The following DOCK9 variants were observed in gnomAD, a reference collection of about 807,000 sequenced individuals.
DOCK9 encodes the protein dedicator of cytokinesis protein 9.
A neutral mutation model predicts 263.3 loss-of-function variants in DOCK9; 89 were observed. The observed-to-expected ratio is 0.34, with a 90% confidence interval of 0.28 to 0.40. The LOEUF (loss-of-function observed/expected upper bound fraction) is 0.40. Ranked by LOEUF, DOCK9 falls within the 10% of genes least tolerant of loss-of-function variation. DOCK9 has a pLI of 1.00. For synonymous variants in DOCK9, 976 were observed against 973.1 expected, an observed-to-expected ratio of 1.00 and a Z score of -0.06; for missense variants, 2,140 against 2,603.4, an observed-to-expected ratio of 0.82 and a Z score of 3.87.
At chr13:99,084,790 T>C (rs1280514476) in intron 1 of DOCK9, among the ~76,000 whole-genome samples, 1 of 152,210 alleles carries the variant, frequency 6.6e-6, no homozygotes, top group Non-Finnish European at 1.5e-5. Flanking sequence ...AACCAACTTC[T>C]GTGTGAGAAC....
intron 2 of DOCK9, among the ~76,000 whole-genome samples, chr13:98,935,420 G>C (rs1402247677): frequency 2.0e-5 from 3 of 152,180 alleles, no homozygotes; most frequent in Admixed American, 2.0e-4. Context: ...CCAACAGAAA[G>C]AACCAGGCTT....
intron 3 of DOCK9, among the ~76,000 whole-genome samples, chr13:98,929,606 T>C (rs981084108): frequency 7.9e-5 from 12 of 151,932 alleles, no homozygotes; most frequent in African/African-American, 2.4e-4. Flanking sequence ...GATAATTTTA[T>C]TTGCATTTTC....
chr13:98,798,692 A>C (rs550325894), intron 50 of DOCK9, among the ~76,000 whole-genome samples: 1 of 152,370 alleles, frequency 6.6e-6, no homozygotes, highest in East Asian at 1.9e-4. Context: ...CTGCAGCGCC[A>C]GTGAGCTGCT....
chr13:98,863,027 C>T lies in DOCK9; in HGVS notation c.3571G>A (p.Ala1191Thr), dbSNP rs55889102. ...VRDVSPFPVN[A>T]GMTVKDESLA... is the part of the protein sequence containing the mutation. ...TGACCATGCTTACGTACCATGCCCGCGTTCACAGGGAAGGGTGACACATCC... is the reference window on the plus strand; with the variant it reads ...TGACCATGCTTACGTACCATGCCCGTGTTCACAGGGAAGGGTGACACATCC... Residue 1191 changes from alanine to threonine, a missense_variant, in exon 32 of 53, where the codon GCG becomes ACG. By Grantham distance (58) the Ala-to-Thr change is moderately conservative. Around this residue, in one of 2 missense-constraint regions of DOCK9, gnomAD observed 1,521 missense variants for 1,741.7 expected, o/e 0.87. Transcript: ENST00000682017. The T allele has an allele frequency of 2.5e-5, 40 of 1,605,640 alleles. No individual in the cohort carries two copies. The highest frequency in any genetic ancestry group is 6.8e-5 in the Admixed American group (4 of 59,032).
intron 1 of DOCK9, among the ~76,000 whole-genome samples, chr13:99,069,057 C>T (rs75031393): frequency 1.3e-5 from 2 of 152,124 alleles, no homozygotes; most frequent in Non-Finnish European, 2.9e-5. Flanking sequence ...TTTTAGCCAA[C>T]GCAAAGCAGC....
intron 38 of DOCK9, among the ~76,000 whole-genome samples, chr13:98,838,801 C>T (rs999170888): frequency 2.0e-5 from 3 of 152,168 alleles, no homozygotes; most frequent in Non-Finnish European, 4.4e-5. Flanking sequence ...CGCCTCATTA[C>T]TTAAGTAATT....
rs868114714 is a variant in DOCK9 at position 98,999,318 on chromosome 13, T to A, written c.130-43767A>T. Among the ~76,000 whole-genome samples the A allele has an allele frequency of 8.5e-3, 757 of 88,670 alleles. 2 individuals carry two copies. The highest frequency in any genetic ancestry group is 0.033 in the African/African-American group (616 of 18,818). 58.2% of individuals were successfully genotyped at this position (88,670 alleles called of 152,430 possible). ...CACACACACACACACACACACACAC[T>A]CTCTCTCTCTCTCTCTCTGGAAGGT... On this transcript the variant is annotated intron_variant, in intron 1 of 32. Coordinates refer to the DOCK9 transcript ENST00000427887.
intron 52 of DOCK9, among the ~76,000 whole-genome samples, chr13:98,796,442 C>A (rs1234338886): frequency 6.6e-6 from 1 of 152,172 alleles, no homozygotes; most frequent in African/African-American, 2.4e-5. Context: ...AGGACAGTGA[C>A]TGAGACAGAC....
In DOCK9 at chr13:98,904,639, T is replaced by A; in HGVS notation, c.1028A>T (p.Asp343Val). ...CATTTAGATAGTTCTTACCTGGGCA[T>A]CTGGGTCCAAATAAAAAAGTTTGAC... ...SRVKLFYLDP[D>V]AQKLDFSSAE... The change falls in exon 10 of 53, where the codon GAT becomes GTT. Residue 343 changes from aspartate to valine, a missense_variant. Asp to Val is a radical substitution (Grantham distance 152, BLOSUM62 -3). Coordinates refer to ENST00000682017, the MANE Select transcript of DOCK9 (RefSeq NM_001366683.2). 6.4e-7 allele frequency: 1 copy of A among 1,555,692 alleles called. No individual in the cohort carries two copies. The highest frequency in any genetic ancestry group is 8.7e-7 in the Non-Finnish European group (1 of 1,148,386).
intron 1 of DOCK9, among the ~76,000 whole-genome samples, chr13:99,027,167 C>G (rs1319616094): frequency 6.6e-6 from 1 of 152,014 alleles, no homozygotes; most frequent in Non-Finnish European, 1.5e-5. Context: ...CTACAGGTGC[C>G]CGCCACCATG....
rs142745340 is a variant in DOCK9, at chr13:98,835,733, CTTTTTTTTT to C, written c.4314+1752_4314+1760del. ...GTGACAAATACTCTTCTTTACAACT[CTTTTTTTTT>C]TTTTTTTTTTTTTTTTTAGACGAAG... On this transcript the variant is annotated intron_variant, in intron 39 of 52. Coordinates refer to ENST00000682017, the MANE Select transcript of DOCK9 (RefSeq NM_001366683.2). Among the ~76,000 whole-genome samples, 91 of 79,404 alleles carry C rather than the reference CTTTTTTTTT, an allele frequency of 1.1e-3. 2 individuals are homozygous for C. Among genetic ancestry groups the C allele is most frequent in the African/African-American group, 4.5e-3 (76 of 16,728 alleles). The allele number at this position is 79,404 out of a possible 152,430, so 52.1% of individuals were successfully genotyped here.
At chr13:98,991,936 A>T (rs1353053961) in intron 1 of DOCK9, among the ~76,000 whole-genome samples, 1 of 152,140 alleles carries the variant, frequency 6.6e-6, no homozygotes, top group African/African-American at 2.4e-5. Context: ...GGGCCACTGG[A>T]TGCAGGGAAT....
rs1354874012 is a variant in DOCK9, at chr13:98,809,483, G to A, written c.5254-18C>T. ...GCCAGCCTCTGGAAAGCAGAACAAA[G>A]CCCATTTCTTCCCATGTGCAAAGAG... On this transcript the variant is annotated intron_variant, in intron 46 of 52. Coordinates refer to ENST00000682017, the MANE Select transcript of DOCK9 (RefSeq NM_001366683.2). 3.2e-6 allele frequency: 5 copies of A among 1,563,036 alleles called. No homozygotes were observed. The African/African-American group carries it at 6.9e-5, about 22-fold the overall frequency.
chr13:98,821,321 G>A (rs1419562137), intron 45 of DOCK9, among the ~76,000 whole-genome samples: 7 of 152,084 alleles, frequency 4.6e-5, no homozygotes, highest in African/African-American at 1.7e-4. Context: ...GCCCTCAGGA[G>A]TCCTTTACTA....
At chr13:98,884,895 G>A in intron 21 of DOCK9, 76 bp downstream of exon 21, 1 of 1,472,776 alleles carries the variant, frequency 6.8e-7, no homozygotes. Context: ...TGCTTTTTGT[G>A]TGTTATTGTT....
intron 9 of DOCK9, among the ~76,000 whole-genome samples, chr13:98,905,270 C>A (rs1194085546): frequency 6.6e-6 from 1 of 152,218 alleles, no homozygotes; most frequent in Non-Finnish European, 1.5e-5. Flanking sequence ...TTAAGCACCT[C>A]TTATGAGCCA....
At chr13:98,965,886 T>C (rs929029724) in intron 1 of DOCK9, among the ~76,000 whole-genome samples, 1 of 152,322 alleles carries the variant, frequency 6.6e-6, no homozygotes. Flanking sequence ...TGAATGCAGT[T>C]TTTTATATTA....
chr13:98,965,802 C>T (rs2059128579), intron 1 of DOCK9, among the ~76,000 whole-genome samples: 1 of 152,218 alleles, frequency 6.6e-6, no homozygotes, highest in Non-Finnish European at 1.5e-5. Flanking sequence ...AACTCCCAGA[C>T]ATCTAAATAT....
chr13:99,086,072 C>G (rs1389619210), intron 1 of DOCK9: 10 of 1,235,636 alleles, frequency 8.1e-6, no homozygotes, highest in Non-Finnish European at 9.4e-6. Flanking sequence ...CTGTCCAACT[C>G]CCTCCCGCCG....
Sources: allele counts gnomAD v4.1 joint callset (sites outside exome capture counted in the v4.1 genomes callset), GRCh38; gene constraint gnomAD v4.1.1; regional missense constraint gnomAD v4.1.1; transcripts MANE v1.5; gene names NCBI Gene and HGNC (gene_info 2026-07-23, HGNC 2026-07-21).